KLRF1: variants seen among roughly 807,000 people sequenced by gnomAD.
KLRF1 encodes killer cell lectin like receptor F1.
In KLRF1, 27 loss-of-function variants were observed where a neutral mutation model predicts 30.7. The ratio of observed to expected loss-of-function variants is 0.88; its 90% confidence interval spans 0.65 to 1.21. KLRF1 has a LOEUF of 1.21. KLRF1 is among the 50% of genes most tolerant of loss of function. KLRF1 has a pLI of 0.00. For synonymous variants in KLRF1, 92 were observed against 89.3 expected, an observed-to-expected ratio of 1.03 and a Z score of -0.17; for missense variants, 246 against 259.3, an observed-to-expected ratio of 0.95 and a Z score of 0.35.
intron 3 of KLRF1, among the ~76,000 whole-genome samples, chr12:9,836,739 G>A (rs1266916820): frequency 6.6e-6 from 1 of 151,798 alleles, no homozygotes; most frequent in African/African-American, 2.4e-5. Context: ...TGTTTTACAG[G>A]TATATTTCCC....
chr12:9,825,877 T>C, upstream of KLRF1, among the ~76,000 whole-genome samples: 1 of 152,036 alleles, frequency 6.6e-6, no homozygotes, highest in Non-Finnish European at 1.5e-5. Context: ...ACAGATACTT[T>C]TCGTGTTTTA....
At chr12:9,842,097 C>A in intron 4 of KLRF1, 146 bp downstream of exon 4, 1 of 956,566 alleles carries the variant, frequency 1.0e-6, no homozygotes, top group Non-Finnish European at 1.5e-6. Flanking sequence ...CAAGTGAGTG[C>A]CTCACTTCTC....
At chr12:9,823,203 T>A (rs1591748778), upstream of KLRF1, among the ~76,000 whole-genome samples, 1 of 127,468 alleles carries the variant, frequency 7.8e-6, no homozygotes, top group South Asian at 2.5e-4. Context: ...CAATTGAATG[T>A]AAAACAATTC....
the KLRF1 span, among the ~76,000 whole-genome samples, chr12:9,821,006 C>T: frequency 6.6e-6 from 1 of 152,112 alleles, no homozygotes; most frequent in Non-Finnish European, 1.5e-5. Context: ...TCAGAGTTCC[C>T]CTGGGGAGAG....
intron 1 of KLRF1, among the ~76,000 whole-genome samples, chr12:9,831,635 C>A (rs1404933325): frequency 6.6e-6 from 1 of 152,066 alleles, no homozygotes; most frequent in Non-Finnish European, 1.5e-5. Context: ...TAAGTCAGTG[C>A]CCAGCAGACC....
the KLRF1 span, among the ~76,000 whole-genome samples, chr12:9,816,531 T>C: frequency 6.6e-6 from 1 of 150,878 alleles, no homozygotes; most frequent in Non-Finnish European, 1.5e-5. Flanking sequence ...GCCAGTTACT[T>C]AGGGGCAAGT....
intron 3 of KLRF1, among the ~76,000 whole-genome samples, chr12:9,835,621 G>A (rs1447126292): frequency 6.6e-6 from 1 of 152,120 alleles, no homozygotes; most frequent in African/African-American, 2.4e-5. Flanking sequence ...AGTATTGATA[G>A]AGGGCTTTTC....
the KLRF1 span, among the ~76,000 whole-genome samples, chr12:9,814,616 G>A: frequency 1.3e-5 from 2 of 152,092 alleles, no homozygotes; most frequent in Non-Finnish European, 2.9e-5. Flanking sequence ...ACCTACCACA[G>A]CCTGTGTGCA....
the KLRF1 span, among the ~76,000 whole-genome samples, chr12:9,807,062 AT>A: frequency 6.6e-6 from 1 of 151,970 alleles, no homozygotes; most frequent in East Asian, 1.9e-4. Context: ...TTCTTTAAAG[AT>A]TTTTTTAGTA....
At chr12:9,828,180 A>G (rs1348527528) in intron 1 of KLRF1, among the ~76,000 whole-genome samples, 1 of 151,912 alleles carries the variant, frequency 6.6e-6, no homozygotes, top group Non-Finnish European at 1.5e-5. Flanking sequence ...CCCAGGTTCA[A>G]GCAATTCTCC....
At chr12:9,842,023 T>G in intron 4 of KLRF1, 72 bp downstream of exon 4, 1 of 1,446,392 alleles carries the variant, frequency 6.9e-7, no homozygotes. Context: ...TCTTTCCATC[T>G]TTGCATTAAA....
In KLRF1 at chr12:9,832,377, T is replaced by G; in HGVS notation, c.147T>G (p.Gly49=). The G allele has an allele frequency of 6.2e-7, 1 of 1,609,498 alleles. No individual in the cohort carries two copies. ...ILLGISGTVN[G]ILTLTLISLI... The stretch of plus-strand genomic sequence containing the variant: ...TGGGAATATCTGGAACCGTGAATGG[T>G]ATTCTCACTTTGACTTTGATCTCCT... The change falls in exon 2 of 6, where the codon GGT becomes GGG. Residue 49 remains glycine (G), a synonymous_variant. Transcript: ENST00000617889.
intron 3 of KLRF1, among the ~76,000 whole-genome samples, chr12:9,840,444 T>TTA (rs966225308): frequency 6.6e-6 from 1 of 152,068 alleles, no homozygotes; most frequent in African/African-American, 2.4e-5. Context: ...ACATATATTT[T>TTA]TATATATATC....
the KLRF1 span, chr12:9,817,753 GCCTT>G: frequency 1.8e-4 from 37 of 207,182 alleles, no homozygotes; most frequent in Non-Finnish European, 2.8e-4. Context: ...TTTGGTCTTT[GCCTT>G]CCTTTTCCTT....
chr12:9,821,477 G>C, the KLRF1 span, among the ~76,000 whole-genome samples: 1 of 152,098 alleles, frequency 6.6e-6, no homozygotes, highest in African/African-American at 2.4e-5. Context: ...CACTTCCCCT[G>C]CTCATCACCA....
chr12:9,837,816 A>G (rs923764916), intron 3 of KLRF1, among the ~76,000 whole-genome samples: 1 of 152,094 alleles, frequency 6.6e-6, no homozygotes, highest in Non-Finnish European at 1.5e-5. Context: ...TTTCATAGAA[A>G]CTCATGAAAA....
At chr12:9,830,137 A>C (rs1012924900) in intron 1 of KLRF1, among the ~76,000 whole-genome samples, 2 of 151,910 alleles carry the variant, frequency 1.3e-5, no homozygotes, top group Admixed American at 1.3e-4. Flanking sequence ...ACACTTGTCG[A>C]GTTTCTGTCT....
At position 9,841,924 on chromosome 12, in the gene KLRF1, A is replaced by G. The variant is rs932057455; in HGVS notation, c.447A>G (p.Leu149=). The change falls in exon 4 of 6, where the codon CTA becomes CTG. Residue 149 remains leucine, a synonymous_variant. Transcript: ENST00000617889. ...YVYCLERKSH[L]LIIHDQLEMA... is the part of the protein sequence containing the mutation. ...ATTGTTTGGAAAGAAAATCTCATCT[A>G]CTAATCATACATGACCAACTTGAAA... 2 of 1,612,370 alleles carry G rather than the reference A, an allele frequency of 1.2e-6. No individual in the cohort carries two copies. The highest frequency in any genetic ancestry group is 1.7e-6 in the Non-Finnish European group (2 of 1,178,920).
chr12:9,813,137 AT>A, the KLRF1 span, among the ~76,000 whole-genome samples: 3 of 149,948 alleles, frequency 2.0e-5, no homozygotes, highest in Admixed American at 6.6e-5. Flanking sequence ...TTATTTTTTT[AT>A]TTTTTTAATT....
Sources: allele counts gnomAD v4.1 joint callset (sites outside exome capture counted in the v4.1 genomes callset), GRCh38; gene constraint gnomAD v4.1.1; transcripts MANE v1.5; gene names NCBI Gene and HGNC (gene_info 2026-07-23, HGNC 2026-07-21).